The following CHRM5 variants were observed in gnomAD, a reference collection of about 807,000 sequenced individuals.
CHRM5 encodes muscarinic acetylcholine receptor M5.
Under a neutral mutation model 39.0 loss-of-function variants are expected in CHRM5, and 18 were observed. The observed-to-expected ratio is 0.46, with a 90% CI of 0.32 to 0.68. The LOEUF (loss-of-function observed/expected upper bound fraction) is 0.68. CHRM5 is among the 30% of genes least tolerant of loss of function. The pLI, the probability that CHRM5 is intolerant of heterozygous loss-of-function variation, is 0.04. For missense variants in CHRM5, 515 were observed against 651.1 expected (o/e 0.79, Z 2.28); for synonymous variants, 241 against 246.3 (o/e 0.98, Z 0.20).
At chr15:34,027,528 CAA>C (rs35780353) in intron 1 of CHRM5, among the ~76,000 whole-genome samples, 4 of 132,558 alleles carry the variant, frequency 3.0e-5, no homozygotes, top group African/African-American at 2.8e-5. Context: ...GACTCTGTCT[CAA>C]AAAAAAAAAA....
chr15:33,969,433 G>A (rs1318185523), intron 1 of CHRM5, among the ~76,000 whole-genome samples: 1 of 151,050 alleles, frequency 6.6e-6, no homozygotes, highest in African/African-American at 2.4e-5. Flanking sequence ...TGAAAAAAAT[G>A]CATGAAGAGA....
intron 1 of CHRM5, among the ~76,000 whole-genome samples, chr15:33,969,558 T>G (rs1895538193): frequency 6.6e-6 from 1 of 152,040 alleles, no homozygotes; most frequent in Non-Finnish European, 1.5e-5. Context: ...GCATTTTAAA[T>G]ATTTTTATTC....
chr15:33,985,254 G>A lies in CHRM5; in HGVS notation c.-408+16104G>A, dbSNP rs539642079. Among the ~76,000 whole-genome samples the A allele has an allele frequency of 3.3e-5, 5 of 149,696 alleles. No homozygotes were observed. The East Asian group carries it at 7.9e-4, about 24-fold the overall frequency. ...AGACAAAAGGTGTCTCTGGCAAAAG[G>A]AGTAGTCAAACTTCATGTTAATTTT... On this transcript the variant is annotated intron_variant, in intron 1 of 2. Transcript: ENST00000383263.
In CHRM5 at chr15:34,003,323, C is replaced by A. The variant is rs563986952; in HGVS notation, c.-408+34173C>A. ...TAACAATAAAAAGCAATAGACCAAG[C>A]TGTCTGAAGATATTAAATATTATTT... On this transcript the variant is annotated intron_variant, in intron 1 of 2. Transcript: ENST00000383263. The A allele has an allele frequency of 1.0e-4, 87 of 835,102 alleles. 1 individual carries two copies. The African/African-American group carries it at 1.2e-3, about 11-fold the overall frequency. 51.7% of individuals were successfully genotyped at this position (835,102 alleles called of 1,614,324 possible).
chr15:34,055,225 C>T (rs1900089634), intron 2 of CHRM5, among the ~76,000 whole-genome samples: 1 of 150,586 alleles, frequency 6.6e-6, no homozygotes, highest in Non-Finnish European at 1.5e-5. Flanking sequence ...AAGGCCAGGC[C>T]CGGTAGCTCG....
At chr15:34,038,402 T>C (rs1447523447) in intron 1 of CHRM5, among the ~76,000 whole-genome samples, 2 of 152,334 alleles carry the variant, frequency 1.3e-5, no homozygotes, top group Non-Finnish European at 2.9e-5. Flanking sequence ...GACCACGTCG[T>C]GGCCGCGCCT....
chr15:34,061,933 G>A (rs567240477), intron 2 of CHRM5, among the ~76,000 whole-genome samples: 15 of 152,254 alleles, frequency 9.9e-5, no homozygotes, highest in Admixed American at 7.2e-4. Context: ...AGTGCATGAC[G>A]ATTTAGGTAT....
chr15:33,983,213 T>TACAC (rs1491388409), intron 1 of CHRM5, among the ~76,000 whole-genome samples: 10 of 36,914 alleles, frequency 2.7e-4, no homozygotes, highest in East Asian at 1.8e-3. Context: ...TATATATATA[T>TACAC]ACATATATAT....
At chr15:34,056,391 C>A (rs1174498529) in intron 2 of CHRM5, among the ~76,000 whole-genome samples, 1 of 152,192 alleles carries the variant, frequency 6.6e-6, no homozygotes, top group Non-Finnish European at 1.5e-5. Context: ...AAATGTGATT[C>A]ATGGATTCCA....
intron 1 of CHRM5, among the ~76,000 whole-genome samples, chr15:34,037,257 T>G (rs1283693465): frequency 9.9e-5 from 15 of 152,106 alleles, no homozygotes; most frequent in Admixed American, 9.8e-4. Context: ...TAACACCAAA[T>G]GTACCATTAC....
intron 1 of CHRM5, among the ~76,000 whole-genome samples, chr15:33,989,875 C>G (rs537792356): frequency 6.7e-6 from 1 of 150,112 alleles, no homozygotes; most frequent in South Asian, 2.1e-4. Flanking sequence ...GAGACAATAG[C>G]AATTGAGACG....
intron 1 of CHRM5, among the ~76,000 whole-genome samples, chr15:34,027,056 C>A (rs1350884464): frequency 6.6e-6 from 1 of 152,184 alleles, no homozygotes; most frequent in Non-Finnish European, 1.5e-5. Flanking sequence ...CACTCTACTA[C>A]AAAAGCAACA....
chr15:33,989,929 G>C (rs956699605), intron 1 of CHRM5, among the ~76,000 whole-genome samples: 30 of 151,052 alleles, frequency 2.0e-4, no homozygotes, highest in Non-Finnish European at 1.0e-4. Flanking sequence ...GATGAGGCCG[G>C]GTTCAGTGGC....
intron 2 of CHRM5, among the ~76,000 whole-genome samples, chr15:34,047,644 C>T (rs1051061079): frequency 1.3e-5 from 2 of 152,216 alleles, no homozygotes; most frequent in East Asian, 3.9e-4. Context: ...CTCAGCCATT[C>T]TAGCTTGCGG....
intron 1 of CHRM5, among the ~76,000 whole-genome samples, chr15:34,031,333 C>T (rs1391059807): frequency 6.6e-6 from 1 of 151,952 alleles, no homozygotes; most frequent in Non-Finnish European, 1.5e-5. Context: ...TGCCACCATG[C>T]CTGGCTAATT....
At chr15:34,015,468 C>T (rs749263140) in intron 1 of CHRM5, among the ~76,000 whole-genome samples, 9 of 151,164 alleles carry the variant, frequency 6.0e-5, no homozygotes, top group Non-Finnish European at 1.0e-4. Flanking sequence ...GGTGACAGAG[C>T]GAGACTCCAT....
chr15:34,024,828 T>A (rs1898377970), intron 1 of CHRM5, among the ~76,000 whole-genome samples: 4 of 147,936 alleles, frequency 2.7e-5, no homozygotes, highest in Admixed American at 6.9e-5. Flanking sequence ...GCCATTGCAC[T>A]CCAGCCTGGG....
At chr15:33,983,422 G>A (rs1159136428) in intron 1 of CHRM5, among the ~76,000 whole-genome samples, 1 of 151,864 alleles carries the variant, frequency 6.6e-6, no homozygotes, top group African/African-American at 2.4e-5. Flanking sequence ...GAAATTGACA[G>A]AAGGGTCAAT....
chr15:34,013,090 C>T (rs1417142565), intron 1 of CHRM5, among the ~76,000 whole-genome samples: 1 of 151,868 alleles, frequency 6.6e-6, no homozygotes, highest in Non-Finnish European at 1.5e-5. Flanking sequence ...GAGACAGAGT[C>T]TCACTCTGTC....
Sources: allele counts gnomAD v4.1 joint callset (sites outside exome capture counted in the v4.1 genomes callset), GRCh38; gene constraint gnomAD v4.1.1; transcripts MANE v1.5; gene names NCBI Gene and HGNC (gene_info 2026-07-23, HGNC 2026-07-21).